CAMK1D: variants seen among roughly 807,000 people sequenced by gnomAD.
CAMK1D encodes the protein calcium/calmodulin dependent protein kinase ID, also known as calcium/calmodulin-dependent protein kinase type 1D.
In CAMK1D, 9 loss-of-function variants were observed where a neutral mutation model predicts 47.7. That is an observed-to-expected ratio of 0.19 (90% CI 0.11 to 0.33). The LOEUF is 0.33. CAMK1D is among the 10% of genes least tolerant of loss of function. The pLI, the probability that CAMK1D is intolerant of heterozygous loss-of-function variation, is 1.00. For missense variants in CAMK1D, 291 were observed against 488.7 expected, an observed-to-expected ratio of 0.60 and a Z score of 3.81; for synonymous variants, 184 against 184.9, an observed-to-expected ratio of 0.99 and a Z score of 0.04.
intron 3 of CAMK1D, among the ~76,000 whole-genome samples, chr10:12,700,766 C>A (rs547763208): frequency 6.6e-6 from 1 of 152,178 alleles, no homozygotes; most frequent in Non-Finnish European, 1.5e-5. Context: ...TCCAGTAACT[C>A]GAATTTTCTC....
intron 3 of CAMK1D, among the ~76,000 whole-genome samples, chr10:12,692,013 T>A (rs1484394997): frequency 6.6e-6 from 1 of 152,250 alleles, no homozygotes; most frequent in Non-Finnish European, 1.5e-5. Context: ...TAGCCCACTT[T>A]GGCTTTTATG....
At chr10:12,375,220 T>C (rs1057186586) in intron 1 of CAMK1D, among the ~76,000 whole-genome samples, 21 of 152,316 alleles carry the variant, frequency 1.4e-4, no homozygotes, top group African/African-American at 5.1e-4. Context: ...CACTGAGTAA[T>C]GGATGGAGAG....
intron 1 of CAMK1D, among the ~76,000 whole-genome samples, chr10:12,478,885 T>A (rs531209819): frequency 6.6e-6 from 1 of 152,220 alleles, no homozygotes; most frequent in African/African-American, 2.4e-5. Context: ...CTGACATGAA[T>A]GATAATAATA....
At chr10:12,748,508 G>A (rs1453447965) in intron 3 of CAMK1D, among the ~76,000 whole-genome samples, 1 of 152,128 alleles carries the variant, frequency 6.6e-6, no homozygotes, top group East Asian at 1.9e-4. Flanking sequence ...AAGAGTTCCT[G>A]GAAAAGGCTT....
intron 1 of CAMK1D, among the ~76,000 whole-genome samples, chr10:12,475,453 G>A (rs1451332309): frequency 6.6e-6 from 1 of 152,174 alleles, no homozygotes; most frequent in Non-Finnish European, 1.5e-5. Context: ...GCATGGGTCA[G>A]GATTTCCTTC....
At chr10:12,373,004 A>G (rs1389392156) in intron 1 of CAMK1D, among the ~76,000 whole-genome samples, 7 of 152,192 alleles carry the variant, frequency 4.6e-5, no homozygotes, top group African/African-American at 1.7e-4. Flanking sequence ...TTTCTGGTAA[A>G]GCTTAAATGA....
chr10:12,621,871 A>G (rs1446839121), intron 2 of CAMK1D, among the ~76,000 whole-genome samples: 1 of 151,884 alleles, frequency 6.6e-6, no homozygotes, highest in Non-Finnish European at 1.5e-5. Context: ...TTAACCTTCT[A>G]TGTTAGATGG....
Position 12,697,434 on chromosome 10 carries a change from C to T in CAMK1D, c.299+30624C>T, listed in dbSNP as rs570762815. 9.2e-5 allele frequency among the ~76,000 whole-genome samples: 14 copies of T among 152,226 alleles called. No homozygotes were observed. In the South Asian group the frequency reaches 1.2e-3, roughly 14 times the overall value. On this transcript the variant is annotated intron_variant, in intron 3 of 10. Transcript: ENST00000619168. ...TTCCTTTGGTGATGGAGTCTCGCTCCGTCACCCATGCTGGAGTGCAATGGC... is the reference window on the plus strand; with the variant it reads ...TTCCTTTGGTGATGGAGTCTCGCTCTGTCACCCATGCTGGAGTGCAATGGC...
chr10:12,825,660 A>G lies in CAMK1D; in HGVS notation c.1009A>G (p.Ser337Gly), dbSNP rs760472229. The change falls in exon 10 of 11, where the codon AGC becomes GGC. Residue 337 changes from serine (S) to glycine (G), a missense_variant. Around this residue, in one of 2 missense-constraint regions of CAMK1D, gnomAD observed 72 missense variants for 64.4 expected, o/e 1.12. Transcript: ENST00000619168. ...SLDSSNASVS[S>G]SLSLASQKDC... is the part of the protein sequence containing the mutation. Reference sequence around the variant, plus strand: ...GGACAGTTCAAATGCAAGTGTTTCGAGCAGCCTCAGTTTGGCCAGCCAAAA... The same window carrying G: ...GGACAGTTCAAATGCAAGTGTTTCGGGCAGCCTCAGTTTGGCCAGCCAAAA... 1.2e-6 allele frequency: 2 copies of G among 1,614,248 alleles called. No individual in the cohort carries two copies. The highest frequency in any genetic ancestry group is 2.2e-5 in the South Asian group (2 of 91,086).
chr10:12,514,680 G>A (rs561340664), intron 1 of CAMK1D, among the ~76,000 whole-genome samples: 1 of 152,326 alleles, frequency 6.6e-6, no homozygotes, highest in African/African-American at 2.4e-5. Flanking sequence ...GTTTTACAGA[G>A]TACGAAGCTA....
chr10:12,817,918 A>G (rs943614702), intron 8 of CAMK1D, among the ~76,000 whole-genome samples: 1 of 152,046 alleles, frequency 6.6e-6, no homozygotes, highest in Admixed American at 6.6e-5. Context: ...CAAACTCCTG[A>G]CCTCAGGTGA....
At chr10:12,427,900 G>T in intron 1 of CAMK1D, among the ~76,000 whole-genome samples, 1 of 151,060 alleles carries the variant, frequency 6.6e-6, no homozygotes, top group Non-Finnish European at 1.5e-5. Flanking sequence ...TAGAGACGGG[G>T]TTTCACCATG....
At chr10:12,620,186 CAAAAAAAAAAAAAA>C (rs56027797) in intron 2 of CAMK1D, among the ~76,000 whole-genome samples, 61 of 86,588 alleles carry the variant, frequency 7.0e-4, no homozygotes, top group Admixed American at 1.8e-3. Context: ...GACTCCGTCT[CAAAAAAAAAAAAAA>C]AAAAAAAAAA....
chr10:12,645,254 C>T (rs1057170172), intron 2 of CAMK1D, among the ~76,000 whole-genome samples: 4 of 152,048 alleles, frequency 2.6e-5, no homozygotes, highest in African/African-American at 9.7e-5. Flanking sequence ...CATTATTGGG[C>T]TATTATTTAA....
At chr10:12,387,341 T>C (rs1444316851) in intron 1 of CAMK1D, among the ~76,000 whole-genome samples, 2 of 139,468 alleles carry the variant, frequency 1.4e-5, no homozygotes, top group South Asian at 2.2e-4. Context: ...GTTTGAGATA[T>C]ATATATTATA....
chr10:12,687,475 C>T (rs148960407), intron 3 of CAMK1D, among the ~76,000 whole-genome samples: 1 of 152,100 alleles, frequency 6.6e-6, no homozygotes, highest in Non-Finnish European at 1.5e-5. Context: ...TGTGAGCTGA[C>T]GAGCTCCTAA....
chr10:12,633,402 T>A (rs1448361360), intron 2 of CAMK1D, among the ~76,000 whole-genome samples: 1 of 152,180 alleles, frequency 6.6e-6, no homozygotes, highest in Non-Finnish European at 1.5e-5. Context: ...CTCATCTCCA[T>A]GGAAGATTGA....
At chr10:12,577,564 G>A (rs866772247) in intron 2 of CAMK1D, among the ~76,000 whole-genome samples, 5 of 152,142 alleles carry the variant, frequency 3.3e-5, no homozygotes, top group Non-Finnish European at 5.9e-5. Flanking sequence ...TGGCTATTTC[G>A]GAATGATCAA....
intron 1 of CAMK1D, among the ~76,000 whole-genome samples, chr10:12,398,022 G>A (rs748761909): frequency 7.9e-5 from 12 of 152,084 alleles, no homozygotes; most frequent in African/African-American, 1.2e-4. Context: ...ATTTTTCATC[G>A]TAACTTGAGA....
Sources: gnomAD v4.1 joint callset for allele counts (sites outside exome capture counted in the v4.1 genomes callset) on GRCh38, gnomAD v4.1.1 for gene constraint, gnomAD v4.1.1 regional missense constraint, MANE v1.5 for transcripts, NCBI Gene and HGNC (gene_info 2026-07-23, HGNC 2026-07-21) for gene names.